The following ZPR1 variants were observed in gnomAD, a reference collection of about 807,000 sequenced individuals.
ZPR1 encodes the protein ZPR1 zinc finger, also known as zinc finger protein ZPR1.
ZPR1 carries 37 observed loss-of-function variants against 59.6 expected under a neutral mutation model. The observed-to-expected ratio is 0.62, with a 90% CI of 0.48 to 0.82. The LOEUF is 0.82. Ranked by LOEUF, ZPR1 falls within the 40% of genes least tolerant of loss-of-function variation. The pLI is 0.00. For synonymous variants in ZPR1, 191 were observed against 215.2 expected (o/e 0.89, Z 0.99); for missense variants, 527 against 579.9 (o/e 0.91, Z 0.94).
intron 2 of ZPR1, 28 bp from the exon 3 acceptor site, chr11:116,787,087 A>C: frequency 6.3e-7 from 1 of 1,582,894 alleles, no homozygotes; most frequent in African/African-American, 1.3e-5. Flanking sequence ...CGTTCAGTAC[A>C]AAGAGACTGC....
rs1389951009 is a variant in ZPR1, at chr11:116,776,865, A to G, written c.*2060T>C. ...GATCAGAGGGTTGTCTGGTAAACTT[A>G]GATTCCCAAGTCAGCTGGAAACATA... On this transcript the variant is annotated 3_prime_UTR_variant, in exon 14 of 14. Transcript: ENST00000227322. 1 of 152,280 alleles carries G rather than the reference A, an allele frequency of 6.6e-6. No individual in the cohort carries two copies. The highest frequency in any genetic ancestry group is 1.5e-5 in the Non-Finnish European group (1 of 68,058). 9.4% of individuals were successfully genotyped at this position (152,280 alleles called of 1,614,324 possible). A position where few individuals can be genotyped will look rare whatever the true frequency, so the allele number is the denominator to read the frequency against.
intron 5 of ZPR1, 63 bp downstream of exon 5, chr11:116,785,733 C>G: frequency 6.2e-7 from 1 of 1,612,110 alleles, no homozygotes; most frequent in South Asian, 1.1e-5. Flanking sequence ...AGTGGAAAAT[C>G]CCAGCAGTCT....
chr11:116,785,520 C>G lies in ZPR1; in HGVS notation c.699G>C (p.Gly233=). Residue 233 remains glycine (G), a synonymous_variant, in exon 6 of 14, where the codon GGG becomes GGC. Coordinates refer to ENST00000227322, the MANE Select transcript of ZPR1 (RefSeq NM_003904.5). ...GATCCTTCAGTCCACTTACTTGAAG[C>G]CCCAGCATCTCTTCCTGCTGTCGGG... ...NRTRQQEEML[G]LQEEAPAEKP... 1 of 1,613,944 alleles carries G rather than the reference C, an allele frequency of 6.2e-7. No homozygotes were observed. The highest frequency in any genetic ancestry group is 8.5e-7 in the Non-Finnish European group (1 of 1,179,990).
At chr11:116,783,465 CCCTAGATAGAGA>C (rs1940839820) in intron 10 of ZPR1, 53 bp downstream of exon 10, 4 of 1,392,760 alleles carry the variant, frequency 2.9e-6, no homozygotes, top group Non-Finnish European at 4.1e-6. Context: ...AGACAACTTC[CCCTAGATAGAGA>C]CAGTTTATCT....
chr11:116,786,908 A>C (rs904490947), intron 3 of ZPR1, 61 bp downstream of exon 3: 13 of 1,409,844 alleles, frequency 9.2e-6, no homozygotes, highest in African/African-American at 2.8e-5. Context: ...GGGTTTTGCA[A>C]GAAAGAGGGT....
intron 4 of ZPR1, 126 bp downstream of exon 4, chr11:116,786,385 C>A: frequency 4.1e-6 from 4 of 972,804 alleles, no homozygotes; most frequent in Non-Finnish European, 4.8e-6. Context: ...ATTCTAGCAG[C>A]TCCAGCACCA....
chr11:116,783,592 A>G lies in ZPR1; in HGVS notation c.919T>C (p.Leu307=), dbSNP rs543437138. 1 of 1,614,152 alleles carries G rather than the reference A, an allele frequency of 6.2e-7. No individual in the cohort carries two copies. Among genetic ancestry groups the G allele is most frequent in the South Asian group, 1.1e-5 (1 of 91,084 alleles). ...ATGTGGAGGGTGATCCTGGTGCCCA[A>G]GGGTTCTACTGCTCCTCCAGATTTC... is the stretch of plus-strand genomic sequence containing the variant. The part of the protein sequence containing the change: ...EVKSGGAVEP[L]GTRITLHITD... The change falls in exon 10 of 14, where the codon TTG becomes CTG. Residue 307 remains leucine, a synonymous_variant. Coordinates refer to ENST00000227322, the MANE Select transcript of ZPR1 (RefSeq NM_003904.5).
intron 8 of ZPR1, 137 bp from the exon 9 acceptor site, chr11:116,784,585 C>T (rs754727987): frequency 9.7e-5 from 92 of 945,958 alleles, no homozygotes; most frequent in Non-Finnish European, 1.4e-4. Context: ...CCCACAGAGT[C>T]CTCCAGAAGA....
In ZPR1 at chr11:116,781,138, C is replaced by G. The variant is rs907861640; in HGVS notation, c.1179+1020G>C. Among the ~76,000 whole-genome samples the G allele has an allele frequency of 2.0e-5, 3 of 150,184 alleles. No homozygotes were observed. In the East Asian group the frequency reaches 5.8e-4, roughly 29 times the overall value. On this transcript the variant is annotated intron_variant, in intron 12 of 13. Coordinates refer to ENST00000227322, the MANE Select transcript of ZPR1 (RefSeq NM_003904.5). Reference sequence around the variant, plus strand: ...AAAACCAAGAAACCAAAAATAGGACCAAAAAAAGAGTAAATTATAGAAGAC... The same window carrying G: ...AAAACCAAGAAACCAAAAATAGGACGAAAAAAAGAGTAAATTATAGAAGAC...
chr11:116,786,916 G>A lies in ZPR1; in HGVS notation c.424+53C>T, dbSNP rs369502545. 2.8e-6 allele frequency: 4 copies of A among 1,450,506 alleles called. No homozygotes were observed. The African/African-American group carries it at 5.6e-5, about 20-fold the overall frequency. 89.9% of individuals were successfully genotyped at this position (1,450,506 alleles called of 1,614,324 possible). A position where few individuals can be genotyped will look rare whatever the true frequency, so the allele number is the denominator to read the frequency against. ...CACCAGGGGGTTTTGCAAGAAAGAGGGTAAGATTCTAGCTACATGCGAACA... is the reference window on the plus strand; with the variant it reads ...CACCAGGGGGTTTTGCAAGAAAGAGAGTAAGATTCTAGCTACATGCGAACA... On this transcript the variant is annotated intron_variant, in intron 3 of 13. Transcript: ENST00000227322.
intron 3 of ZPR1, 81 bp downstream of exon 3, chr11:116,786,888 T>A: frequency 8.8e-7 from 1 of 1,130,934 alleles, no homozygotes; most frequent in Non-Finnish European, 1.3e-6. Flanking sequence ...CCACTAGACC[T>A]GGCACCAGGG....
chr11:116,786,770 A>C (rs1278172869), intron 3 of ZPR1, among the ~76,000 whole-genome samples, 189 bp from the exon 4 acceptor site: 3 of 152,248 alleles, frequency 2.0e-5, no homozygotes, highest in African/African-American at 7.2e-5. Context: ...TAAACACACT[A>C]TGGTATTACC....
In ZPR1 at chr11:116,785,869, G is replaced by C; in HGVS notation, c.509C>G (p.Ala170Gly). 3 of 1,614,122 alleles carry C rather than the reference G, an allele frequency of 1.9e-6. No homozygotes were observed. Among genetic ancestry groups the C allele is most frequent in the African/African-American group, 1.3e-5 (1 of 75,038 alleles). The change falls in exon 5 of 14, where the codon GCT becomes GGT. Residue 170 changes from alanine to glycine, a missense_variant. Coordinates refer to ENST00000227322, the MANE Select transcript of ZPR1 (RefSeq NM_003904.5). The part of the protein sequence containing the change: ...DQPARRANKD[A>G]TAERIDEFIV... ...GAACTCATCAATTCTTTCAGCTGTAGCATCTTTGTTTGCCTGCCATGAACA... is the reference window on the plus strand; with the variant it reads ...GAACTCATCAATTCTTTCAGCTGTACCATCTTTGTTTGCCTGCCATGAACA...
At chr11:116,786,436 A>T in intron 4 of ZPR1, 75 bp downstream of exon 4, 1 of 1,537,564 alleles carries the variant, frequency 6.5e-7, no homozygotes, top group Non-Finnish European at 9.0e-7. Context: ...TTAGTCAGAG[A>T]CTCTTCAGAC....
chr11:116,782,323 G>T, intron 11 of ZPR1, 79 bp from the exon 12 acceptor site: 2 of 1,264,758 alleles, frequency 1.6e-6, no homozygotes, highest in Non-Finnish European at 2.3e-6. Context: ...GGCAGGGGGT[G>T]ACAGTGGGTG....
At chr11:116,779,523 C>G (rs530829015) in intron 13 of ZPR1, among the ~76,000 whole-genome samples, 2 of 151,984 alleles carry the variant, frequency 1.3e-5, no homozygotes, top group African/African-American at 4.8e-5. Flanking sequence ...AGAACTGGGA[C>G]AAGAGCTTGA....
Position 116,784,896 on chromosome 11 carries a change from G to C in ZPR1, c.779C>G (p.Pro260Arg). ...NEVLQFSTNC[P>R]ECNAPAQTNM... ...GGTCTGAGCGGGGGCATTGCATTCTGGGCAGTTTGTGCTGAACTGGAGCAC... is the reference window on the plus strand; with the variant it reads ...GGTCTGAGCGGGGGCATTGCATTCTCGGCAGTTTGTGCTGAACTGGAGCAC... Residue 260 changes from proline to arginine, a missense_variant, in exon 8 of 14, where the codon CCA becomes CGA. By Grantham distance (103) the Pro-to-Arg change is moderately radical. Coordinates refer to ENST00000227322, the MANE Select transcript of ZPR1 (RefSeq NM_003904.5). 1 of 1,614,170 alleles carries C rather than the reference G, an allele frequency of 6.2e-7. No individual in the cohort carries two copies. The highest frequency in any genetic ancestry group is 8.5e-7 in the Non-Finnish European group (1 of 1,180,026).
chr11:116,785,912 C>A (rs1008117018), intron 4 of ZPR1, 30 bp from the exon 5 acceptor site: 1 of 1,600,228 alleles, frequency 6.2e-7, no homozygotes, highest in South Asian at 1.1e-5. Context: ...AAGCATCAGC[C>A]CTGGTGGTGT....
chr11:116,786,614 T>C, intron 3 of ZPR1, 33 bp from the exon 4 acceptor site: 1 of 1,589,414 alleles, frequency 6.3e-7, no homozygotes, highest in Non-Finnish European at 8.6e-7. Context: ...AAGTGTGACT[T>C]AGCCTCAGCT....
Sources: gnomAD v4.1 joint callset for allele counts (sites outside exome capture counted in the v4.1 genomes callset) on GRCh38, gnomAD v4.1.1 for gene constraint, MANE v1.5 for transcripts, NCBI Gene and HGNC (gene_info 2026-07-23, HGNC 2026-07-21) for gene names.